Variants in AKTIP observed in about 807,000 individuals in gnomAD.
AKTIP encodes AKT interacting protein, also known as AKT-interacting protein.
In AKTIP, 16 loss-of-function variants were observed where a neutral mutation model predicts 39.1. The observed-to-expected ratio is 0.41, with a 90% CI of 0.28 to 0.62. The LOEUF (loss-of-function observed/expected upper bound fraction) is 0.62, where lower values mean the gene tolerates loss of function less well. Ranked by LOEUF, AKTIP falls within the 20% of genes least tolerant of loss-of-function variation. The pLI, the probability that AKTIP is intolerant of heterozygous loss-of-function variation, is 0.32. For missense variants in AKTIP, 262 were observed against 356.6 expected (o/e 0.73, Z 2.14); for synonymous variants, 93 against 124.3 (o/e 0.75, Z 1.67).
intron 3 of AKTIP, among the ~76,000 whole-genome samples, chr16:53,497,950 T>A (rs1178034873): frequency 6.6e-6 from 1 of 152,240 alleles, no homozygotes; most frequent in Non-Finnish European, 1.5e-5. Flanking sequence ...GGTTTCACCA[T>A]CTTGGCCAGG....
chr16:53,496,325 A>G (rs1961831085), intron 3 of AKTIP, among the ~76,000 whole-genome samples: 3 of 152,092 alleles, frequency 2.0e-5, no homozygotes, highest in South Asian at 2.1e-4. Context: ...TCACCCCAAT[A>G]GACGCCTGTC....
chr16:53,495,011 G>T, intron 5 of AKTIP, 62 bp downstream of exon 5: 1 of 1,424,694 alleles, frequency 7.0e-7, no homozygotes, highest in Non-Finnish European at 9.9e-7. Context: ...CAGGAAAGCT[G>T]TAAGCCCTTT....
intron 2 of AKTIP, among the ~76,000 whole-genome samples, chr16:53,499,327 G>A (rs1962025842): frequency 6.6e-6 from 1 of 152,032 alleles, no homozygotes; most frequent in African/African-American, 2.4e-5. Context: ...TCAGCACAAT[G>A]CAATATGCCA....
chr16:53,500,720 C>A (rs1480640799), intron 1 of AKTIP, among the ~76,000 whole-genome samples: 1 of 152,134 alleles, frequency 6.6e-6, no homozygotes, highest in African/African-American at 2.4e-5. Flanking sequence ...AATTATGACA[C>A]CCTGGATATA....
chr16:53,499,390 T>G (rs1234166622), intron 2 of AKTIP, among the ~76,000 whole-genome samples: 1 of 151,802 alleles, frequency 6.6e-6, no homozygotes, highest in African/African-American at 2.4e-5. Flanking sequence ...AAGGAAGAGA[T>G]GTCATGTATA....
intron 1 of AKTIP, 48 bp downstream of exon 1, chr16:53,503,099 C>T (rs973170353): frequency 2.2e-4 from 33 of 152,480 alleles, no homozygotes; most frequent in African/African-American, 7.7e-4. Context: ...GATTTACAGA[C>T]ACCTCAGCCC....
At chr16:53,493,079 CT>C (rs1194189955) in intron 8 of AKTIP, 37 of 250,866 alleles carry the variant, frequency 1.5e-4, no homozygotes, top group East Asian at 3.7e-4. Flanking sequence ...ACTCCAAGCT[CT>C]TTTTTTTGAG....
At chr16:53,496,973 T>A (rs528761874) in intron 3 of AKTIP, among the ~76,000 whole-genome samples, 2 of 151,716 alleles carry the variant, frequency 1.3e-5, no homozygotes, top group South Asian at 2.1e-4. Flanking sequence ...AATTTTTAAT[T>A]TTTTTTTTAG....
chr16:53,494,674 G>A (rs1961717317), intron 5 of AKTIP, 69 bp from the exon 6 acceptor site: 10 of 1,442,740 alleles, frequency 6.9e-6, no homozygotes, highest in East Asian at 2.4e-5. Flanking sequence ...CATAGGAATC[G>A]TGATAAAAAG....
Position 53,492,326 on chromosome 16 carries a change from T to G in AKTIP, c.*86A>C, listed in dbSNP as rs768859727. 2.3e-5 allele frequency: 26 copies of G among 1,142,316 alleles called. No individual in the cohort carries two copies. The highest frequency in any genetic ancestry group is 3.1e-5 in the Non-Finnish European group (24 of 772,160). 70.8% of individuals were successfully genotyped at this position (1,142,316 alleles called of 1,614,324 possible). On this transcript the variant is annotated 3_prime_UTR_variant, in exon 10 of 10. Transcript: ENST00000394657. ...TCAGTCATTGTTCACACAGTTTTAC[T>G]CTTCAGGCAGTCCTCTGCCATTGGT...
At chr16:53,502,678 C>T (rs1962243977) in intron 1 of AKTIP, 1 of 152,312 alleles carries the variant, frequency 6.6e-6, no homozygotes, top group Admixed American at 6.5e-5. Flanking sequence ...CGTCTCTGAG[C>T]ACTCAGGGAA....
chr16:53,502,873 G>A (rs1171552393), intron 1 of AKTIP: 3 of 152,266 alleles, frequency 2.0e-5, no homozygotes, highest in East Asian at 3.9e-4. Context: ...GCCGGGGCGA[G>A]CCAGCTGGGC....
chr16:53,498,367 C>G (rs753017265), intron 3 of AKTIP, 24 bp downstream of exon 3: 3 of 1,610,194 alleles, frequency 1.9e-6, no homozygotes, highest in Non-Finnish European at 2.5e-6. Context: ...CCTAATTTAA[C>G]CAAATAGTTT....
rs780848588 is a variant in AKTIP at position 53,500,207 on chromosome 16, A to G, written c.42+11T>C. On this transcript the variant is annotated intron_variant, in intron 2 of 9. Coordinates refer to ENST00000394657, the MANE Select transcript of AKTIP (RefSeq NM_022476.4). ...ATGGGTTTTCTTACTGAATTTATCA[A>G]CTATACCTACTTTGCGTACAGAGCT... 1 of 1,600,422 alleles carries G rather than the reference A, an allele frequency of 6.2e-7. No individual in the cohort carries two copies. Among genetic ancestry groups the G allele is most frequent in the Non-Finnish European group, 8.5e-7 (1 of 1,169,888 alleles).
At position 53,495,141 on chromosome 16, in the gene AKTIP, G is replaced by A. The variant is rs1191455290; in HGVS notation, c.346C>T (p.Leu116Phe). Residue 116 changes from leucine to phenylalanine, a missense_variant, in exon 5 of 10, where the codon CTT becomes TTT. Around this residue, in one of 4 missense-constraint regions of AKTIP, gnomAD observed 4 missense variants for 26.7 expected, o/e 0.15. Transcript: ENST00000394657. ...WFGVIFIRHG[L>F]YQDGVFKFTV... The stretch of plus-strand genomic sequence containing the variant: ...AACTTAAATACGCCATCTTGGTAAA[G>A]TCCATGCCGTATGAATATTACTCCA... 12 of 1,614,118 alleles carry A rather than the reference G, an allele frequency of 7.4e-6. No homozygotes were observed. The highest frequency in any genetic ancestry group is 2.2e-5 in the East Asian group (1 of 44,884).
chr16:53,497,936 A>G lies in AKTIP; in HGVS notation c.248+455T>C, dbSNP rs967634358. Among the ~76,000 whole-genome samples the G allele has an allele frequency of 2.0e-5, 3 of 152,204 alleles. No homozygotes were observed. The East Asian group carries it at 5.8e-4, about 29-fold the overall frequency. ...GCTAATTTTTGTATTTTTAGTAGAGACGGGGTTTCACCATCTTGGCCAGGC... is the reference window on the plus strand; with the variant it reads ...GCTAATTTTTGTATTTTTAGTAGAGGCGGGGTTTCACCATCTTGGCCAGGC... On this transcript the variant is annotated intron_variant, in intron 3 of 9. Coordinates refer to ENST00000394657, the MANE Select transcript of AKTIP (RefSeq NM_022476.4).
In AKTIP at chr16:53,494,128, C is replaced by T. The variant is rs779440471; in HGVS notation, c.710+10G>A. On this transcript the variant is annotated intron_variant, in intron 8 of 9. Coordinates refer to ENST00000394657, the MANE Select transcript of AKTIP (RefSeq NM_022476.4). ...CAGTGGACAGTTCACTTGGGGGATGCACCACTTACCTAATTGCATAGGGGT... is the reference window on the plus strand; with the variant it reads ...CAGTGGACAGTTCACTTGGGGGATGTACCACTTACCTAATTGCATAGGGGT... The T allele has an allele frequency of 8.8e-6, 14 of 1,598,588 alleles. No individual in the cohort carries two copies. In the East Asian group the frequency reaches 2.2e-4, roughly 25 times the overall value.
Position 53,498,377 on chromosome 16 carries a change from T to G in AKTIP, c.248+14A>C, listed in dbSNP as rs1445400618. On this transcript the variant is annotated intron_variant, in intron 3 of 9. Transcript: ENST00000394657. ...TCATTCCTAATTTAACCAAATAGTT[T>G]GTTAAGGACTTACAATTCTGCAAGA... The G allele has an allele frequency of 2.5e-6, 4 of 1,612,406 alleles. No homozygotes were observed. Among genetic ancestry groups the G allele is most frequent in the Non-Finnish European group, 3.4e-6 (4 of 1,178,536 alleles).
At chr16:53,496,953 G>A (rs370489291) in intron 3 of AKTIP, among the ~76,000 whole-genome samples, 38 of 152,248 alleles carry the variant, frequency 2.5e-4, no homozygotes, top group African/African-American at 8.9e-4. Flanking sequence ...CTATAGGTCT[G>A]CAGCTGGGAA....
Sources: gnomAD v4.1 joint callset for allele counts (sites outside exome capture counted in the v4.1 genomes callset) on GRCh38, gnomAD v4.1.1 for gene constraint, gnomAD v4.1.1 regional missense constraint, MANE v1.5 for transcripts, NCBI Gene and HGNC (gene_info 2026-07-23, HGNC 2026-07-21) for gene names.